PARVB: variants seen among roughly 807,000 people sequenced by gnomAD.
PARVB encodes parvin beta.
PARVB carries 46 observed loss-of-function variants against 47.0 expected under a neutral mutation model. The ratio of observed to expected loss-of-function variants is 0.98; its 90% CI spans 0.77 to 1.25. The LOEUF is 1.25. Ranked by LOEUF, PARVB falls within the 50% of genes most tolerant of loss-of-function variation. The pLI is 0.00. For missense variants in PARVB, 473 were observed against 471.6 expected (o/e 1.00, Z -0.03); for synonymous variants, 196 against 196.3 (o/e 1.00, Z 0.01).
At chr22:44,151,382 C>T (rs1238789284) in intron 9 of PARVB, 101 bp from the exon 10 acceptor site, 7 of 817,616 alleles carry the variant, frequency 8.6e-6, no homozygotes, top group Admixed American at 1.9e-5. Flanking sequence ...ATGATGAAAG[C>T]GTTTCACAGA....
intron 1 of PARVB, among the ~76,000 whole-genome samples, chr22:44,084,552 G>A (rs922668723): frequency 1.3e-5 from 2 of 152,208 alleles, no homozygotes; most frequent in South Asian, 2.1e-4. Context: ...GCCTGCCAAG[G>A]GTACTCCCAG....
At chr22:44,106,216 G>C (rs1020374205) in intron 3 of PARVB, 3 of 151,512 alleles carry the variant, frequency 2.0e-5, no homozygotes, top group African/African-American at 4.9e-5. Flanking sequence ...GGGAAGAGGG[G>C]GTGAGGGTTG....
chr22:44,011,468 A>T (rs2050522496), intron 2 of PARVB, among the ~76,000 whole-genome samples: 1 of 152,052 alleles, frequency 6.6e-6, no homozygotes, highest in Non-Finnish European at 1.5e-5. Flanking sequence ...AAAGTTAGCC[A>T]GGCGTGGTGG....
chr22:44,007,831 G>T (rs562514954), intron 2 of PARVB, among the ~76,000 whole-genome samples: 1 of 152,154 alleles, frequency 6.6e-6, no homozygotes, highest in South Asian at 2.1e-4. Context: ...TCCCAATTCG[G>T]TCCTTCCCAG....
At chr22:44,133,866 G>A (rs1196382855) in intron 6 of PARVB, among the ~76,000 whole-genome samples, 1 of 152,184 alleles carries the variant, frequency 6.6e-6, no homozygotes, top group Non-Finnish European at 1.5e-5. Flanking sequence ...GTGGACAGTC[G>A]CTGCCTAGGG....
chr22:44,099,526 C>A (rs3216455), intron 2 of PARVB, among the ~76,000 whole-genome samples: 3 of 151,058 alleles, frequency 2.0e-5, no homozygotes, highest in Admixed American at 6.6e-5. Context: ...CATCCCCCCC[C>A]ACCTTTTTTT....
intron 10 of PARVB, chr22:44,152,916 G>A (rs919916924): frequency 6.6e-6 from 1 of 152,116 alleles, no homozygotes; most frequent in South Asian, 2.1e-4. Context: ...ACTAATTCAG[G>A]TTCATTGTAG....
intron 1 of PARVB, among the ~76,000 whole-genome samples, chr22:44,035,368 C>CTTTTTTTTTTTTTTTTTTTTTTTTTCT (rs57745730): frequency 8.5e-6 from 1 of 118,040 alleles, no homozygotes; most frequent in Non-Finnish European, 1.8e-5. Context: ...TTTCTTTTTC[C>CTTTTTTTTTTTTTTTTTTTTTTTTTCT]TTTTTTTTTT....
At chr22:44,114,060 A>T (rs1174969554) in intron 3 of PARVB, 1 of 101,978 alleles carries the variant, frequency 9.8e-6, no homozygotes, top group African/African-American at 4.8e-5. Flanking sequence ...GCACCAACAC[A>T]GATACATTGT....
At chr22:44,087,271 C>T (rs1193887415) in intron 1 of PARVB, among the ~76,000 whole-genome samples, 3 of 152,200 alleles carry the variant, frequency 2.0e-5, no homozygotes, top group South Asian at 2.1e-4. Flanking sequence ...AGGAATTGCA[C>T]GGATGGTGTA....
At position 44,130,850 on chromosome 22, in the gene PARVB, A is replaced by G. The variant is rs114389817; in HGVS notation, c.377-637A>G. Among the ~76,000 whole-genome samples the G allele has an allele frequency of 2.6e-3, 401 of 152,186 alleles. 3 individuals are homozygous for G. The highest frequency in any genetic ancestry group is 9.2e-3 in the African/African-American group (383 of 41,530). ...TATAACACCCACAGTTTTATCCTTA[A>G]CTATTCTTCCCTTTTCAATCTGGCG... On this transcript the variant is annotated intron_variant, in intron 4 of 12. Coordinates refer to ENST00000338758, the MANE Select transcript of PARVB (RefSeq NM_013327.5).
intron 2 of PARVB, among the ~76,000 whole-genome samples, chr22:44,095,728 C>T (rs1020314733): frequency 1.3e-5 from 2 of 152,182 alleles, no homozygotes; most frequent in Non-Finnish European, 2.9e-5. Context: ...ATGGAACATT[C>T]TGCGTATTTC....
At chr22:44,078,833 T>C (rs973292830) in intron 1 of PARVB, among the ~76,000 whole-genome samples, 3 of 152,316 alleles carry the variant, frequency 2.0e-5, no homozygotes, top group Middle Eastern at 3.4e-3. Flanking sequence ...CAAGCGATTC[T>C]CCTGCCTCAG....
rs535639405 is a variant in PARVB, at chr22:44,146,147, A to C, written c.713-1714A>C. ...CGCTCACACGTGCTCACACATGCAC[A>C]CACGTGCTCACACGTGTACACACGC... On this transcript the variant is annotated intron_variant, in intron 8 of 12. Transcript: ENST00000338758. 2.0e-5 allele frequency: 3 copies of C among 148,496 alleles called. No individual in the cohort carries two copies. In the South Asian group the frequency reaches 6.6e-4, roughly 33 times the overall value. 9.2% of individuals were successfully genotyped at this position (148,496 alleles called of 1,614,324 possible). A position where few individuals can be genotyped will look rare whatever the true frequency, so the allele number is the denominator to read the frequency against.
chr22:44,157,530 A>G (rs139265223), intron 10 of PARVB, among the ~76,000 whole-genome samples: 10 of 152,230 alleles, frequency 6.6e-5, no homozygotes, highest in East Asian at 5.8e-4. Flanking sequence ...TCAGGCCTTC[A>G]CTTGATTCCA....
chr22:44,122,840 C>G (rs1274666828), intron 4 of PARVB, among the ~76,000 whole-genome samples: 1 of 152,150 alleles, frequency 6.6e-6, no homozygotes, highest in Non-Finnish European at 1.5e-5. Flanking sequence ...CTTTCTTTTT[C>G]TTTATGGCTG....
At chr22:44,094,942 C>G (rs529317435) in intron 2 of PARVB, among the ~76,000 whole-genome samples, 1 of 151,344 alleles carries the variant, frequency 6.6e-6, no homozygotes, top group African/African-American at 2.4e-5. Context: ...TTCCACACCA[C>G]GTGGCGTGGC....
rs2053821424 is a variant in PARVB at position 44,152,017 on chromosome 22, G to A, written c.843+466G>A. ...GTGTCCAAATGTCCCCCTTTTATCA[G>A]GACGTGGTCATGTTGGATTAGAGCC... On this transcript the variant is annotated intron_variant, in intron 10 of 12. Coordinates refer to ENST00000338758, the MANE Select transcript of PARVB (RefSeq NM_013327.5). The A allele has an allele frequency of 2.4e-5, 4 of 167,864 alleles. No homozygotes were observed. The South Asian group carries it at 6.3e-4, about 26-fold the overall frequency. The allele number at this position is 167,864 out of a possible 1,614,324, so 10.4% of individuals were successfully genotyped here. A position where few individuals can be genotyped will look rare whatever the true frequency, so the allele number is the denominator to read the frequency against.
chr22:43,999,369 G>A (rs372081118), exon 1 of PARVB: 3 of 1,610,926 alleles, frequency 1.9e-6, no homozygotes, highest in East Asian at 4.5e-5. Flanking sequence ...GATCACCAAA[G>A]AGGAGAGAAA....
Sources: allele counts gnomAD v4.1 joint callset (sites outside exome capture counted in the v4.1 genomes callset), GRCh38; gene constraint gnomAD v4.1.1; transcripts MANE v1.5; gene names NCBI Gene and HGNC (gene_info 2026-07-23, HGNC 2026-07-21).